The following TECR variants were observed in gnomAD, a reference collection of about 807,000 sequenced individuals.
TECR encodes trans-2,3-enoyl-CoA reductase.
TECR carries 19 observed loss-of-function variants against 50.6 expected under a neutral mutation model. The ratio of observed to expected loss-of-function variants is 0.38; its 90% CI spans 0.26 to 0.55. TECR has a LOEUF of 0.55. Among genes scored for constraint, TECR ranks in the 20% least tolerant of loss-of-function variants. The pLI, the probability that TECR is intolerant of heterozygous loss-of-function variation, is 0.79. For missense variants in TECR, 313 were observed against 408.3 expected (o/e 0.77, Z 2.01); for synonymous variants, 168 against 163.5 (o/e 1.03, Z -0.21).
In TECR at chr19:14,564,178, C is replaced by T. The variant is rs1352874313; in HGVS notation, c.384-4C>T. On this transcript the variant is annotated splice_region_variant and splice_polypyrimidine_tract_variant and intron_variant, in intron 6 of 12. Coordinates refer to ENST00000215567, the MANE Select transcript of TECR (RefSeq NM_138501.6). The stretch of plus-strand genomic sequence containing the variant: ...CCCCAGCTGAGCCTGCTCCCCCCGA[C>T]CAGCCTCGCCTGCATCTGTCACTCA... 3 of 1,606,866 alleles carry T rather than the reference C, an allele frequency of 1.9e-6. No individual in the cohort carries two copies. The highest frequency in any genetic ancestry group is 1.7e-6 in the Non-Finnish European group (2 of 1,179,730).
chr19:14,544,457 A>G (rs889352435), intron 1 of TECR, among the ~76,000 whole-genome samples: 2 of 151,878 alleles, frequency 1.3e-5, no homozygotes, highest in Non-Finnish European at 2.9e-5. Flanking sequence ...AGTCACTGCA[A>G]CTGATCAGGA....
chr19:14,559,440 C>G (rs572914187), intron 1 of TECR, among the ~76,000 whole-genome samples: 2 of 152,146 alleles, frequency 1.3e-5, no homozygotes, highest in South Asian at 4.2e-4. Context: ...TGTTTCCTAG[C>G]GTAACTTATT....
intron 1 of TECR, among the ~76,000 whole-genome samples, chr19:14,542,346 T>TGG (rs1248701731): frequency 9.5e-6 from 1 of 104,862 alleles, no homozygotes; most frequent in African/African-American, 4.0e-5. Flanking sequence ...CATGCCATAG[T>TGG]GTTTTTTTTT....
intron 1 of TECR, among the ~76,000 whole-genome samples, chr19:14,543,421 T>A (rs61313361): frequency 0.065 from 435 of 6,710 alleles, 6 homozygotes; most frequent in East Asian, 0.09. Flanking sequence ...ATATATATAT[T>A]TTTTTTTTTT....
intron 1 of TECR, among the ~76,000 whole-genome samples, chr19:14,558,381 C>G (rs1405457264): frequency 6.6e-6 from 1 of 152,186 alleles, no homozygotes; most frequent in African/African-American, 2.4e-5. Context: ...CCCCTCTGGG[C>G]TTGGGAGGCA....
rs201564572 is a variant in TECR at position 14,529,620 on chromosome 19, C to T, written c.-77C>T. 8.7e-6 allele frequency: 14 copies of T among 1,608,240 alleles called. No homozygotes were observed. The highest frequency in any genetic ancestry group is 5.3e-5 in the African/African-American group (4 of 74,924). ...TTTAGTCTATCGCTGCGGTTGCGAGCGCTGTAGGGAGCCTGTGCTGTGCCG... is the reference window on the plus strand; with the variant it reads ...TTTAGTCTATCGCTGCGGTTGCGAGTGCTGTAGGGAGCCTGTGCTGTGCCG... On this transcript the variant is annotated 5_prime_UTR_variant, in exon 1 of 13. Coordinates refer to ENST00000215567, the MANE Select transcript of TECR (RefSeq NM_138501.6).
At chr19:14,550,040 C>T (rs2073442906) in intron 1 of TECR, among the ~76,000 whole-genome samples, 1 of 152,034 alleles carries the variant, frequency 6.6e-6, no homozygotes, top group Admixed American at 6.6e-5. Flanking sequence ...TCGCACGTCA[C>T]CTTTGAACAT....
upstream of TECR, among the ~76,000 whole-genome samples, chr19:14,528,644 A>C (rs2072494486): frequency 6.6e-6 from 1 of 152,040 alleles, no homozygotes; most frequent in African/African-American, 2.4e-5. Flanking sequence ...AGGGCGGAGC[A>C]AAGTGTGGAG....
At chr19:14,529,856 C>A in intron 1 of TECR, 145 bp downstream of exon 1, 1 of 1,110,338 alleles carries the variant, frequency 9.0e-7, no homozygotes, top group Non-Finnish European at 1.3e-6. Context: ...CGTTGCGCCC[C>A]GGGCCACTCG....
chr19:14,551,737 G>T (rs1232431124), intron 1 of TECR, among the ~76,000 whole-genome samples: 1 of 152,072 alleles, frequency 6.6e-6, no homozygotes, highest in African/African-American at 2.4e-5. Flanking sequence ...AGGCCAGCGG[G>T]CTGGGTCCTC....
intron 1 of TECR, among the ~76,000 whole-genome samples, chr19:14,548,198 A>C (rs1187613890): frequency 6.6e-6 from 1 of 151,680 alleles, no homozygotes; most frequent in African/African-American, 2.4e-5. Context: ...TCCTGACTTC[A>C]TGATCCGCCC....
In TECR at chr19:14,529,663, A is replaced by G. The variant is rs764238250; in HGVS notation, c.-34A>G. On this transcript the variant is annotated 5_prime_UTR_variant, in exon 1 of 13. Transcript: ENST00000215567. The stretch of plus-strand genomic sequence containing the variant: ...CTGTGCCGCGCAGTTAGGCAGCAGC[A>G]GCCGCGGAGCAGTAGCCGCCGTGGG... The G allele has an allele frequency of 8.1e-6, 13 of 1,613,792 alleles. No homozygotes were observed. Among genetic ancestry groups the G allele is most frequent in the Middle Eastern group, 1.7e-4 (1 of 6,044 alleles).
chr19:14,531,089 C>A (rs905584323), intron 1 of TECR: 2 of 152,118 alleles, frequency 1.3e-5, no homozygotes, highest in African/African-American at 2.4e-5. Context: ...GGCTGGAGTG[C>A]AATGGCGCGA....
chr19:14,529,500 G>T (rs956376335), upstream of TECR: 1 of 730,114 alleles, frequency 1.4e-6, no homozygotes, highest in Non-Finnish European at 2.5e-6. Context: ...GTTCGGACCG[G>T]CCCCAAGGAG....
At chr19:14,542,989 CTTT>C (rs572624462) in intron 1 of TECR, among the ~76,000 whole-genome samples, 1 of 102,228 alleles carries the variant, frequency 9.8e-6, no homozygotes. Context: ...CTTCCAAATT[CTTT>C]TTTTTTTTTT....
chr19:14,547,104 G>T (rs77383291), intron 1 of TECR, among the ~76,000 whole-genome samples: 4,335 of 142,338 alleles, frequency 0.03, 213 homozygotes, highest in African/African-American at 0.12. Context: ...AGAAACCAAC[G>T]TCAAAGCAAA....
chr19:14,529,532 C>T, upstream of TECR: 1 of 957,832 alleles, frequency 1.0e-6, no homozygotes, highest in Non-Finnish European at 1.7e-6. Flanking sequence ...GTGGGCGCCT[C>T]GTGCCCTGAT....
chr19:14,530,499 C>G (rs922218823), intron 1 of TECR: 1 of 152,140 alleles, frequency 6.6e-6, no homozygotes, highest in Non-Finnish European at 1.5e-5. Context: ...TATTAAAATT[C>G]AAAATAACAA....
upstream of TECR, chr19:14,529,489 G>A (rs780843064): frequency 5.7e-6 from 4 of 699,146 alleles, no homozygotes; most frequent in Non-Finnish European, 1.0e-5. Flanking sequence ...TCCTAGTCTT[G>A]GTTCGGACCG....
Sources: allele counts gnomAD v4.1 joint callset (sites outside exome capture counted in the v4.1 genomes callset), GRCh38; gene constraint gnomAD v4.1.1; transcripts MANE v1.5; gene names NCBI Gene and HGNC (gene_info 2026-07-23, HGNC 2026-07-21).